CALN1: variants seen among roughly 807,000 people sequenced by gnomAD.
CALN1 encodes the protein calneuron 1.
CALN1 carries 17 observed loss-of-function variants against 30.6 expected under a neutral mutation model. That is an observed-to-expected ratio of 0.56 (90% CI 0.38 to 0.83). The LOEUF (loss-of-function observed/expected upper bound fraction) is 0.83. Ranked by LOEUF, CALN1 falls within the 40% of genes least tolerant of loss-of-function variation. CALN1 has a pLI of 0.00. For synonymous variants in CALN1, 156 were observed against 131.4 expected, an observed-to-expected ratio of 1.19 and a Z score of -1.28; for missense variants, 291 against 354.9, an observed-to-expected ratio of 0.82 and a Z score of 1.45.
At chr7:71,947,643 A>G (rs10231417) in intron 5 of CALN1, among the ~76,000 whole-genome samples, 106,795 of 151,870 alleles carry the variant, frequency 0.7, 38,153 homozygotes, top group Non-Finnish European at 0.74. Flanking sequence ...ATGCAGTTAC[A>G]ATTTTTAAAA....
At chr7:72,101,768 C>T (rs756699266) in intron 4 of CALN1, among the ~76,000 whole-genome samples, 15 of 152,148 alleles carry the variant, frequency 9.9e-5, no homozygotes, top group Non-Finnish European at 2.2e-4. Context: ...TCCAAAGAGA[C>T]TTCCTGCCCA....
At chr7:71,835,803 C>A (rs1163048732) in intron 5 of CALN1, among the ~76,000 whole-genome samples, 2 of 152,148 alleles carry the variant, frequency 1.3e-5, no homozygotes, top group African/African-American at 2.4e-5. Context: ...GTGAGGGCAT[C>A]CGAGCAGCCA....
chr7:72,274,766 C>T (rs370510562), intron 3 of CALN1, among the ~76,000 whole-genome samples: 10 of 152,148 alleles, frequency 6.6e-5, no homozygotes, highest in African/African-American at 2.2e-4. Context: ...AGTAAATATC[C>T]GTTTAATGAA....
intron 5 of CALN1, among the ~76,000 whole-genome samples, chr7:71,927,586 A>T (rs375012203): frequency 6.6e-5 from 10 of 151,886 alleles, no homozygotes; most frequent in East Asian, 3.9e-4. Context: ...ATTCCTGTTT[A>T]TCCCTTAGCT....
intron 3 of CALN1, among the ~76,000 whole-genome samples, chr7:72,182,411 C>T (rs150043752): frequency 1.3e-5 from 2 of 152,220 alleles, no homozygotes; most frequent in African/African-American, 4.8e-5. Flanking sequence ...ATCAGTTGGG[C>T]TTTTAAAAGA....
At chr7:71,983,121 A>G (rs537818210) in intron 5 of CALN1, among the ~76,000 whole-genome samples, 31 of 152,264 alleles carry the variant, frequency 2.0e-4, no homozygotes, top group African/African-American at 7.2e-4. Flanking sequence ...TATAAAATCC[A>G]GTGCAGTCTG....
At chr7:72,338,522 TG>T (rs1802222031) in intron 2 of CALN1, among the ~76,000 whole-genome samples, 1 of 140,088 alleles carries the variant, frequency 7.1e-6, no homozygotes, top group African/African-American at 2.9e-5. Context: ...TGTGTGTGTG[TG>T]TGTGTCTCAC....
At chr7:72,274,546 A>G (rs1473918070) in intron 3 of CALN1, among the ~76,000 whole-genome samples, 3 of 152,152 alleles carry the variant, frequency 2.0e-5, no homozygotes, top group Non-Finnish European at 4.4e-5. Context: ...TTATTCAATA[A>G]ATAGCATTAA....
intron 3 of CALN1, among the ~76,000 whole-genome samples, chr7:72,165,550 T>G (rs1411520453): frequency 6.6e-6 from 1 of 151,886 alleles, no homozygotes; most frequent in Non-Finnish European, 1.5e-5. Context: ...ATCACACCAC[T>G]GCACTCCAGC....
chr7:72,351,112 T>C (rs4717641), intron 2 of CALN1, among the ~76,000 whole-genome samples: 149,836 of 152,294 alleles, frequency 0.98, 73,749 homozygotes, highest in Middle Eastern at 1. Flanking sequence ...TTGCACTGGG[T>C]GACAAAGTGA....
intron 3 of CALN1, among the ~76,000 whole-genome samples, chr7:72,223,717 T>A (rs543181444): frequency 6.6e-6 from 1 of 152,216 alleles, no homozygotes; most frequent in South Asian, 2.1e-4. Flanking sequence ...TATTGCAGCA[T>A]TATTCACAGT....
At chr7:72,340,832 A>C (rs1802345771) in intron 2 of CALN1, among the ~76,000 whole-genome samples, 1 of 152,128 alleles carries the variant, frequency 6.6e-6, no homozygotes, top group African/African-American at 2.4e-5. Context: ...AGTAAGTCTC[A>C]CAAGATCTGA....
At chr7:71,991,991 C>T (rs1196145355) in intron 5 of CALN1, among the ~76,000 whole-genome samples, 1 of 152,190 alleles carries the variant, frequency 6.6e-6, no homozygotes, top group African/African-American at 2.4e-5. Flanking sequence ...GCAGCTATAA[C>T]CTTTGTTTGT....
At chr7:72,466,306 C>A in the CALN1 span, among the ~76,000 whole-genome samples, 2 of 152,100 alleles carry the variant, frequency 1.3e-5, no homozygotes, top group Non-Finnish European at 2.9e-5. Context: ...AGAGAAGGAA[C>A]TGGTTCTGCC....
At chr7:72,486,256 G>A in the CALN1 span, among the ~76,000 whole-genome samples, 8 of 152,230 alleles carry the variant, frequency 5.3e-5, no homozygotes, top group African/African-American at 1.7e-4. Context: ...TATGTAGTCC[G>A]TCATTGACAG....
At position 72,282,760 on chromosome 7, in the gene CALN1, T is replaced by C. The variant is rs954615634; in HGVS notation, c.120-3950A>G. On this transcript the variant is annotated intron_variant, in intron 2 of 6. Coordinates refer to ENST00000395275, the MANE Select transcript of CALN1 (RefSeq NM_031468.4). ...TAGAAACTAAAGCAGAGTGGTTTCA[T>C]GGTTAAGAATTGGCTGGGTGTGGTG... Among the ~76,000 whole-genome samples, 4 of 152,146 alleles carry C rather than the reference T, an allele frequency of 2.6e-5. No individual in the cohort carries two copies. In the South Asian group the frequency reaches 8.3e-4, roughly 32 times the overall value.
At chr7:72,386,593 TATA>T (rs1175013063) in intron 2 of CALN1, among the ~76,000 whole-genome samples, 2 of 152,274 alleles carry the variant, frequency 1.3e-5, no homozygotes, top group Middle Eastern at 3.4e-3. Context: ...AGGATGACCA[TATA>T]ATAATAGCTT....
At chr7:72,409,332 T>C (rs1237379598) in intron 1 of CALN1, among the ~76,000 whole-genome samples, 6 of 151,760 alleles carry the variant, frequency 4.0e-5, no homozygotes, top group Non-Finnish European at 8.8e-5. Context: ...TTGTAACCCA[T>C]GCACCAGATT....
chr7:72,320,448 G>A (rs767925879), intron 2 of CALN1, among the ~76,000 whole-genome samples: 7 of 152,128 alleles, frequency 4.6e-5, no homozygotes, highest in East Asian at 3.9e-4. Flanking sequence ...AACAAGTTTC[G>A]GGATGGAAGC....
Sources: gnomAD v4.1 joint callset for allele counts (sites outside exome capture counted in the v4.1 genomes callset) on GRCh38, gnomAD v4.1.1 for gene constraint, MANE v1.5 for transcripts, NCBI Gene and HGNC (gene_info 2026-07-23, HGNC 2026-07-21) for gene names.